The following DNAJC18 variants were observed in gnomAD, a reference collection of about 807,000 sequenced individuals.
DNAJC18 encodes the protein DnaJ heat shock protein family (Hsp40) member C18.
A neutral mutation model predicts 48.6 loss-of-function variants in DNAJC18; 40 were observed. The observed-to-expected ratio is 0.82, with a 90% CI of 0.64 to 1.07. The LOEUF (loss-of-function observed/expected upper bound fraction) is 1.07. Ranked by LOEUF, DNAJC18 falls within the 50% of genes least tolerant of loss-of-function variation. The pLI, the probability that DNAJC18 is intolerant of heterozygous loss-of-function variation, is 0.00. For missense variants in DNAJC18, 340 were observed against 427.7 expected (o/e 0.79, Z 1.81); for synonymous variants, 135 against 152.2 (o/e 0.89, Z 0.83).
chr5:139,423,737 A>G (rs572106821), intron 5 of DNAJC18, among the ~76,000 whole-genome samples: 1 of 150,726 alleles, frequency 6.6e-6, no homozygotes, highest in Non-Finnish European at 1.5e-5. Flanking sequence ...GTATAATGCA[A>G]ATTTCCAAAA....
rs35642628 is a variant in DNAJC18, at chr5:139,438,315, C to CAA, written c.41-759_41-758dup. On this transcript the variant is annotated intron_variant, in intron 1 of 7. Transcript: ENST00000302060. Reference sequence around the variant, plus strand: ...TGGGTGATAGAGCGAGACTCCGTCTCAAAAAAAAAAAAAAGAACATTATGA... The same window carrying CAA: ...TGGGTGATAGAGCGAGACTCCGTCTCAAAAAAAAAAAAAAAAGAACATTATGA... 4.7e-3 allele frequency among the ~76,000 whole-genome samples: 612 copies of CAA among 130,970 alleles called. 1 individual carries two copies. The highest frequency in any genetic ancestry group is 0.012 in the Middle Eastern group (3 of 248). 85.9% of individuals were successfully genotyped at this position (130,970 alleles called of 152,430 possible). A position where few individuals can be genotyped will look rare whatever the true frequency, so the allele number is the denominator to read the frequency against.
At chr5:139,428,506 G>A (rs767550890) in intron 3 of DNAJC18, 32 bp downstream of exon 3, 16 of 1,592,204 alleles carry the variant, frequency 1.0e-5, no homozygotes, top group Non-Finnish European at 1.4e-5. Flanking sequence ...ACCATGACAA[G>A]GGCACCATTG....
Position 139,420,052 on chromosome 5 carries a change from C to A in DNAJC18, c.952+1G>T. ...CTAATGCCCCTTTTACAGTATCTTACTTTGTTGTTTCTCCTTCCAACAACT... is the reference window on the plus strand; with the variant it reads ...CTAATGCCCCTTTTACAGTATCTTAATTTGTTGTTTCTCCTTCCAACAACT... On this transcript the variant is annotated splice_donor_variant, in intron 7 of 7. Coordinates refer to ENST00000302060, the MANE Select transcript of DNAJC18 (RefSeq NM_152686.4). LOFTEE classifies it high-confidence loss of function. 1 of 1,570,618 alleles carries A rather than the reference C, an allele frequency of 6.4e-7. No individual in the cohort carries two copies.
Position 139,437,505 on chromosome 5 carries a change from T to A in DNAJC18, c.94A>T (p.Ser32Cys). 6.2e-7 allele frequency: 1 copy of A among 1,614,018 alleles called. No individual in the cohort carries two copies. The highest frequency in any genetic ancestry group is 2.2e-5 in the East Asian group (1 of 44,862). The change falls in exon 2 of 8, where the codon AGT (serine) becomes TGT (cysteine). Residue 32 changes from serine (S) to cysteine (C), a missense_variant. By Grantham distance (112) the Ser-to-Cys change is moderately radical. Transcript: ENST00000302060. Reference sequence around the variant, plus strand: ...TTACAGCAGCCACAGGGGTCATGACTCTCAGGAGGTGTGTCTTCTGGGTAT... The same window carrying A: ...TTACAGCAGCCACAGGGGTCATGACACTCAGGAGGTGTGTCTTCTGGGTAT... The part of the protein sequence containing the change: ...NKYPEDTPPE[S>C]HDPCGCCNCM...
chr5:139,410,593 T>G lies in DNAJC18; in HGVS notation c.*3555A>C, dbSNP rs1758979758. The G allele has an allele frequency of 6.6e-6, 1 of 152,164 alleles. No homozygotes were observed. The highest frequency in any genetic ancestry group is 1.5e-5 in the Non-Finnish European group (1 of 68,034). The allele number at this position is 152,164 out of a possible 1,614,324, so 9.4% of individuals were successfully genotyped here. On this transcript the variant is annotated 3_prime_UTR_variant, in exon 8 of 8. Transcript: ENST00000302060. ...TCCTGTGAGGAGCAGTGCATGCAGA[T>G]GATGTACTTGCTTGTATGGTGTGGC...
In DNAJC18 at chr5:139,414,180, A is replaced by C. The variant is rs759306645; in HGVS notation, c.1045T>G (p.Ser349Ala). 59 of 1,614,114 alleles carry C rather than the reference A, an allele frequency of 3.7e-5. No individual in the cohort carries two copies. In the Admixed American group the frequency reaches 9.8e-4, roughly 27 times the overall value. ...SLKLENCEKL[S>A]KLIGLRRGG ...CCTCTGCGTAGGCCAATGAGTTTGG[A>C]AAGTTTCTCACAGTTTTCAAGTTTC... The change falls in exon 8 of 8, where the codon TCC becomes GCC. Residue 349 changes from serine (S) to alanine (A), a missense_variant. Ser to Ala is a moderately conservative substitution (Grantham distance 99). Transcript: ENST00000302060.
rs1750739829 is a variant in DNAJC18, at chr5:139,439,129, C to T, written c.40+277G>A. 6.6e-6 allele frequency among the ~76,000 whole-genome samples: 1 copy of T among 151,368 alleles called. No homozygotes were observed. Among genetic ancestry groups the T allele is most frequent in the South Asian group, 2.1e-4 (1 of 4,754 alleles). On this transcript the variant is annotated intron_variant, in intron 1 of 7. Coordinates refer to ENST00000302060, the MANE Select transcript of DNAJC18 (RefSeq NM_152686.4). The surrounding 1 kb of genome is among the most constrained non-coding windows in gnomAD (Gnocchi z 4.1). ...CCCACGGGCCCTCCAGTCACCTTGG[C>T]ATGGGCGGGGCCTGACAGCTGCGGG...
intron 2 of DNAJC18, among the ~76,000 whole-genome samples, chr5:139,433,733 G>A (rs1394380215): frequency 6.6e-6 from 1 of 152,098 alleles, no homozygotes; most frequent in Non-Finnish European, 1.5e-5. Flanking sequence ...GTGTTTGTGA[G>A]CATATGTTTT....
chr5:139,432,805 G>T (rs948730215), intron 2 of DNAJC18, among the ~76,000 whole-genome samples: 18 of 152,314 alleles, frequency 1.2e-4, no homozygotes, highest in African/African-American at 4.3e-4. Context: ...AGGCTCAGGG[G>T]TTAGCAACTT....
intron 7 of DNAJC18, among the ~76,000 whole-genome samples, chr5:139,418,129 T>C (rs192894792): frequency 6.6e-6 from 1 of 152,300 alleles, no homozygotes; most frequent in African/African-American, 2.4e-5. Flanking sequence ...CAATGGGGAT[T>C]TTCAGGACAT....
In DNAJC18 at chr5:139,410,642, A is replaced by T. The variant is rs1758980949; in HGVS notation, c.*3506T>A. On this transcript the variant is annotated 3_prime_UTR_variant, in exon 8 of 8. Coordinates refer to ENST00000302060, the MANE Select transcript of DNAJC18 (RefSeq NM_152686.4). Reference sequence around the variant, plus strand: ...GCCAGCTGTAACAGAAAGCCACTGGAACGGCACAGTGCCTCCTCACAAAGC... The same window carrying T: ...GCCAGCTGTAACAGAAAGCCACTGGTACGGCACAGTGCCTCCTCACAAAGC... 6.6e-6 allele frequency: 1 copy of T among 152,246 alleles called. No individual in the cohort carries two copies. The highest frequency in any genetic ancestry group is 1.5e-5 in the Non-Finnish European group (1 of 68,058). 9.4% of individuals were successfully genotyped at this position (152,246 alleles called of 1,614,324 possible).
rs756533994 is a variant in DNAJC18, at chr5:139,422,707, C to A, written c.779+1G>T. 5.7e-6 allele frequency: 9 copies of A among 1,589,698 alleles called. No homozygotes were observed. The highest frequency in any genetic ancestry group is 1.1e-5 in the South Asian group (1 of 87,422). On this transcript the variant is annotated splice_donor_variant, in intron 6 of 7. Transcript: ENST00000302060. LOFTEE classifies it high-confidence loss of function. Reference sequence around the variant, plus strand: ...GAAAGATTTAGAAATACCAGACTTACGATTTATAGAACAGACTATATGGGG... The same window carrying A: ...GAAAGATTTAGAAATACCAGACTTAAGATTTATAGAACAGACTATATGGGG...
At chr5:139,431,540 C>G (rs1193157024) in intron 2 of DNAJC18, among the ~76,000 whole-genome samples, 1 of 152,178 alleles carries the variant, frequency 6.6e-6, no homozygotes, top group African/African-American at 2.4e-5. Context: ...CTGTTCATCC[C>G]TTTTTGTTAC....
intron 7 of DNAJC18, chr5:139,419,062 AT>A: frequency 2.4e-6 from 1 of 424,484 alleles, no homozygotes; most frequent in South Asian, 1.7e-5. Context: ...TGAAGAGCTA[AT>A]TTTATCAGAC....
Position 139,413,883 on chromosome 5 carries a change from C to T in DNAJC18, c.*265G>A. The T allele has an allele frequency of 2.4e-6, 1 of 418,426 alleles. No individual in the cohort carries two copies. The highest frequency in any genetic ancestry group is 4.2e-6 in the Non-Finnish European group (1 of 235,618). The allele number at this position is 418,426 out of a possible 1,614,324, so 25.9% of individuals were successfully genotyped here. On this transcript the variant is annotated 3_prime_UTR_variant, in exon 8 of 8. Transcript: ENST00000302060. Reference sequence around the variant, plus strand: ...ACTCCATTCACATAGGCAGGGTAGGCATGGAGCAGGGAGACGGAATCCAAT... The same window carrying T: ...ACTCCATTCACATAGGCAGGGTAGGTATGGAGCAGGGAGACGGAATCCAAT...
At chr5:139,421,192 A>G (rs1759146755) in intron 6 of DNAJC18, among the ~76,000 whole-genome samples, 1 of 152,252 alleles carries the variant, frequency 6.6e-6, no homozygotes, top group Non-Finnish European at 1.5e-5. Flanking sequence ...GCAGTGGCTC[A>G]TGACGGTAAT....
In DNAJC18 at chr5:139,437,427, G is replaced by A. The variant is rs11552585; in HGVS notation, c.172C>T (p.Arg58Trp). Residue 58 changes from arginine to tryptophan, a missense_variant, in exon 2 of 8, where the codon CGG (arginine) becomes TGG (tryptophan). By Grantham distance (101) the Arg-to-Trp change is moderately radical (BLOSUM62 -3). Transcript: ENST00000302060. ...KKSENEWTQT[R>W]QGEGNSTYSE... ...TACGTGGAGTTCCCCTCACCCTGCC[G>A]GGTCTGAGTCCACTCATTCTCAGAC... 6 of 1,613,862 alleles carry A rather than the reference G, an allele frequency of 3.7e-6. No homozygotes were observed. The highest frequency in any genetic ancestry group is 1.1e-5 in the South Asian group (1 of 91,064).
chr5:139,431,615 G>A (rs1055017980), intron 2 of DNAJC18, among the ~76,000 whole-genome samples: 2 of 152,156 alleles, frequency 1.3e-5, no homozygotes, highest in African/African-American at 4.8e-5. Flanking sequence ...AATGGACATT[G>A]GGTTGTTTCC....
chr5:139,438,112 C>A (rs572814188), intron 1 of DNAJC18, among the ~76,000 whole-genome samples: 2 of 152,078 alleles, frequency 1.3e-5, no homozygotes, highest in African/African-American at 2.4e-5. Context: ...GTCAGGAGAT[C>A]GAGACCATCC....
Sources: gnomAD v4.1 joint callset for allele counts (sites outside exome capture counted in the v4.1 genomes callset) on GRCh38, gnomAD v4.1.1 for gene constraint, Gnocchi (gnomAD v3.1) non-coding constraint, MANE v1.5 for transcripts, NCBI Gene and HGNC (gene_info 2026-07-23, HGNC 2026-07-21) for gene names.